CTNNA2: variants seen among roughly 807,000 people sequenced by gnomAD.
The protein encoded by CTNNA2 is catenin alpha-2.
CTNNA2 carries 42 observed loss-of-function variants against 101.0 expected under a neutral mutation model. The observed-to-expected ratio is 0.42, with a 90% CI of 0.32 to 0.54. The LOEUF is 0.54. Among genes scored for constraint, CTNNA2 ranks in the 20% least tolerant of loss-of-function variants. The pLI, the probability that CTNNA2 is intolerant of heterozygous loss-of-function variation, is 0.14. For synonymous variants in CTNNA2, 450 were observed against 456.4 expected (o/e 0.99, Z 0.18); for missense variants, 871 against 1,223.1 (o/e 0.71, Z 4.29).
At chr2:79,651,762 C>A in intron 2 of CTNNA2, 104 bp downstream of exon 2, 1 of 929,120 alleles carries the variant, frequency 1.1e-6, no homozygotes, top group Non-Finnish European at 1.7e-6. Flanking sequence ...ATAAATCATG[C>A]CATGATTCCG....
intron 12 of CTNNA2, 74 bp from the exon 13 acceptor site, chr2:80,574,089 C>G (rs1694830456): frequency 6.6e-7 from 1 of 1,515,050 alleles, no homozygotes; most frequent in South Asian, 1.2e-5. Flanking sequence ...GGACCTGCCA[C>G]TTCGCCCAAG....
intron 4 of CTNNA2, among the ~76,000 whole-genome samples, chr2:79,492,521 G>A (rs961110468): frequency 5.3e-5 from 8 of 151,950 alleles, no homozygotes; most frequent in African/African-American, 1.9e-4. Flanking sequence ...TGTACAAGCT[G>A]ACTGCAATAC....
At chr2:80,459,703 T>C (rs114711986) in intron 9 of CTNNA2, among the ~76,000 whole-genome samples, 283 of 152,258 alleles carry the variant, frequency 1.9e-3, no homozygotes, top group African/African-American at 6.6e-3. Context: ...TGCTTCCTTT[T>C]CCTCCTGCTA....
rs1329512837 is a variant in CTNNA2, at chr2:80,546,076, A to T, written c.1540+13A>T. The T allele has an allele frequency of 1.9e-6, 3 of 1,613,224 alleles. No individual in the cohort carries two copies. In the East Asian group the frequency reaches 6.7e-5, roughly 36 times the overall value. On this transcript the variant is annotated intron_variant, in intron 11 of 18. Coordinates refer to ENST00000402739, the MANE Select transcript of CTNNA2 (RefSeq NM_001282597.3). ...CTCTCTGTCTCAGGTAATCATCACA[A>T]ACAGGTCCCTTACAAGGCAGCTGGA...
chr2:79,355,730 G>T lies in CTNNA2; in HGVS notation c.-317-18101G>T, dbSNP rs554724714. Among the ~76,000 whole-genome samples, 159 of 152,148 alleles carry T rather than the reference G, an allele frequency of 1.0e-3. 1 individual carries two copies. Among genetic ancestry groups the T allele is most frequent in the Admixed American group, 7.3e-3 (112 of 15,292 alleles). On this transcript the variant is annotated intron_variant, in intron 3 of 21. Transcript: ENST00000466387. ...TTTTATCCCTGACTTCTTTTACTTG[G>T]CATAATGTTTTCTAGGTTATCCACA... is the stretch of plus-strand genomic sequence containing the variant.
At position 79,527,493 on chromosome 2, in the gene CTNNA2, AAATT is replaced by A. The variant is rs1672484149; in HGVS notation, c.-6+14289_-6+14292del. ...AAAATACAAAAAAAAAAAAAAAAAA[AAATT>A]AACCAGGCCTGGTGGTTGGCACCTG... On this transcript the variant is annotated intron_variant, in intron 1 of 18. Coordinates refer to ENST00000402739, the MANE Select transcript of CTNNA2 (RefSeq NM_001282597.3). Among the ~76,000 whole-genome samples, 9 of 151,160 alleles carry A rather than the reference AAATT, an allele frequency of 6.0e-5. No homozygotes were observed. The South Asian group carries it at 1.7e-3, about 28-fold the overall frequency.
At chr2:80,255,937 A>G (rs1387730710) in intron 7 of CTNNA2, among the ~76,000 whole-genome samples, 2 of 152,130 alleles carry the variant, frequency 1.3e-5, no homozygotes, top group East Asian at 3.9e-4. Flanking sequence ...CAGGTGGAAT[A>G]TTCCCAAGAG....
chr2:79,761,155 G>A (rs1003856775), intron 3 of CTNNA2, among the ~76,000 whole-genome samples: 1 of 152,068 alleles, frequency 6.6e-6, no homozygotes, highest in African/African-American at 2.4e-5. Flanking sequence ...ATGAAATGAC[G>A]ATAAGCTGAA....
intron 2 of CTNNA2, among the ~76,000 whole-genome samples, chr2:79,728,674 G>A (rs1687012616): frequency 6.6e-6 from 1 of 152,138 alleles, no homozygotes; most frequent in South Asian, 2.1e-4. Flanking sequence ...GAATGGTAAT[G>A]CCTAGGTTTT....
At chr2:80,003,674 A>G (rs1016917116) in intron 7 of CTNNA2, among the ~76,000 whole-genome samples, 2 of 152,208 alleles carry the variant, frequency 1.3e-5, no homozygotes, top group Admixed American at 6.5e-5. Flanking sequence ...GCCCAGTAAA[A>G]GGAGCACTGA....
chr2:79,988,701 A>G (rs1691945971), intron 7 of CTNNA2, among the ~76,000 whole-genome samples: 1 of 152,166 alleles, frequency 6.6e-6, no homozygotes, highest in Non-Finnish European at 1.5e-5. Context: ...AGGTTCATGC[A>G]TTTAGTGGAT....
chr2:79,888,583 G>T (rs1047521792), intron 6 of CTNNA2, among the ~76,000 whole-genome samples: 2 of 152,160 alleles, frequency 1.3e-5, no homozygotes. Flanking sequence ...ATAAAAGAAT[G>T]AAATTTGAAG....
intron 7 of CTNNA2, among the ~76,000 whole-genome samples, chr2:79,957,801 C>A (rs796410538): frequency 2.2e-4 from 34 of 152,318 alleles, no homozygotes; most frequent in African/African-American, 8.2e-4. Flanking sequence ...AAGAATTTTA[C>A]AGCTGTTACT....
chr2:79,983,622 G>A (rs949139137), intron 7 of CTNNA2, among the ~76,000 whole-genome samples: 6 of 152,144 alleles, frequency 3.9e-5, no homozygotes, highest in Non-Finnish European at 7.4e-5. Flanking sequence ...AGGCCAGTGC[G>A]TCTTGTGTCA....
intron 18 of CTNNA2, among the ~76,000 whole-genome samples, chr2:80,620,595 T>C (rs553470409): frequency 1.1e-4 from 16 of 152,056 alleles, no homozygotes; most frequent in African/African-American, 3.9e-4. Context: ...GACAGTCCCC[T>C]GCAGGCAACT....
chr2:79,769,336 T>C (rs1673408802), intron 3 of CTNNA2, among the ~76,000 whole-genome samples: 1 of 152,172 alleles, frequency 6.6e-6, no homozygotes, highest in East Asian at 1.9e-4. Flanking sequence ...TGCATTTTCC[T>C]TGGGCCAGCT....
intron 4 of CTNNA2, among the ~76,000 whole-genome samples, chr2:79,376,115 A>C (rs1219753267): frequency 6.6e-6 from 1 of 152,170 alleles, no homozygotes; most frequent in Admixed American, 6.5e-5. Flanking sequence ...GCTTGAGTTA[A>C]GCAGAAGATG....
intron 3 of CTNNA2, among the ~76,000 whole-genome samples, chr2:79,326,836 T>C (rs1676758441): frequency 6.6e-6 from 1 of 152,182 alleles, no homozygotes; most frequent in Non-Finnish European, 1.5e-5. Context: ...GGTGATCCTA[T>C]GACATCATGA....
chr2:79,406,611 A>G (rs1344177571), intron 4 of CTNNA2, among the ~76,000 whole-genome samples: 1 of 152,028 alleles, frequency 6.6e-6, no homozygotes, highest in African/African-American at 2.4e-5. Context: ...CTGATTACTC[A>G]ATAAATCATG....
Sources: gnomAD v4.1 joint callset for allele counts (sites outside exome capture counted in the v4.1 genomes callset) on GRCh38, gnomAD v4.1.1 for gene constraint, MANE v1.5 for transcripts, NCBI Gene and HGNC (gene_info 2026-07-23, HGNC 2026-07-21) for gene names.